Variants in KPNA2 observed in about 807,000 individuals in gnomAD.
The protein encoded by KPNA2 is importin subunit alpha-1.
A neutral mutation model predicts 53.7 loss-of-function variants in KPNA2; 20 were observed. The observed-to-expected ratio is 0.37, with a 90% CI of 0.26 to 0.54. The LOEUF is 0.54. Among genes scored for constraint, KPNA2 ranks in the 20% least tolerant of loss-of-function variants. The pLI is 0.83. For missense variants in KPNA2, 515 were observed against 640.3 expected (o/e 0.80, Z 2.11); for synonymous variants, 238 against 227.5 (o/e 1.05, Z -0.42).
At chr17:68,044,166 C>T in intron 8 of KPNA2, 95 bp downstream of exon 8, 1 of 1,290,760 alleles carries the variant, frequency 7.7e-7, no homozygotes, top group East Asian at 2.3e-5. Flanking sequence ...TTGGGTTCTA[C>T]TAGGAGTCCT....
At position 68,046,828 on chromosome 17, in the gene KPNA2, T is replaced by C; in HGVS notation, c.*232T>C. On this transcript the variant is annotated 3_prime_UTR_variant, in exon 11 of 11. Coordinates refer to ENST00000330459, the MANE Select transcript of KPNA2 (RefSeq NM_002266.4). ...TCTTGCAGCATCCTGTAAATAAACA[T>C]TCAAGTCCACCCTTTTCTTGACTTC... 2.9e-6 allele frequency: 1 copy of C among 348,864 alleles called. No individual in the cohort carries two copies. Among genetic ancestry groups the C allele is most frequent in the South Asian group, 5.6e-5 (1 of 17,892 alleles). The allele number at this position is 348,864 out of a possible 1,614,324, so 21.6% of individuals were successfully genotyped here.
At chr17:68,041,539 C>T (rs528334544) in intron 4 of KPNA2, among the ~76,000 whole-genome samples, 15 of 152,202 alleles carry the variant, frequency 9.9e-5, no homozygotes, top group African/African-American at 3.4e-4. Context: ...AGCATGGCGA[C>T]AGAGCAAGAC....
intron 3 of KPNA2, among the ~76,000 whole-genome samples, chr17:68,038,693 C>CCGTCTCA (rs1251303038): frequency 2.0e-5 from 3 of 151,982 alleles, no homozygotes; most frequent in African/African-American, 7.3e-5. Flanking sequence ...GAGTGAAACT[C>CCGTCTCA]CGTCTCAAGG....
chr17:68,043,001 T>TAAGTTACTAACATGAGTA lies in KPNA2; in HGVS notation c.666+11_666+28dup, dbSNP rs782473667. On this transcript the variant is annotated splice_region_variant and intron_variant, in intron 6 of 10. Coordinates refer to ENST00000330459, the MANE Select transcript of KPNA2 (RefSeq NM_002266.4). ...GTTCCTGATATGTCATCTTTAGCAG[T>TAAGTTACTAACATGAGTA]AAGTTACTAACATGAGTAAAGTTAC... 3 of 1,612,370 alleles carry TAAGTTACTAACATGAGTA rather than the reference T, an allele frequency of 1.9e-6. No individual in the cohort carries two copies. The East Asian group carries it at 6.7e-5, about 36-fold the overall frequency.
In KPNA2 at chr17:68,037,386, A is replaced by G. The variant is rs376171602; in HGVS notation, c.104A>G (p.Asn35Ser). The G allele has an allele frequency of 6.9e-5, 111 of 1,613,968 alleles. 1 individual carries two copies. Among genetic ancestry groups the G allele is most frequent in the Admixed American group, 2.0e-4 (12 of 59,978 alleles). ...ATGAGGCGTCGCAGAATAGAGGTCA[A>G]TGTGGAGCTGAGGAAAGCTAAGAAG... The part of the protein sequence containing the change: ...TEMRRRRIEV[N>S]VELRKAKKDD... Residue 35 changes from asparagine to serine, a missense_variant, in exon 3 of 11, where the codon AAT (asparagine) becomes AGT (serine). Asn to Ser is a conservative substitution (Grantham distance 46). Transcript: ENST00000330459.
Position 68,043,193 on chromosome 17 carries a change from C to T in KPNA2, c.760C>T (p.Pro254Ser). 2.5e-6 allele frequency: 4 copies of T among 1,614,116 alleles called. No individual in the cohort carries two copies. Among genetic ancestry groups the T allele is most frequent in the South Asian group, 1.1e-5 (1 of 91,090 alleles). Residue 254 changes from proline to serine, a missense_variant, in exon 7 of 11, where the codon CCT becomes TCT. Coordinates refer to ENST00000330459, the MANE Select transcript of KPNA2 (RefSeq NM_002266.4). ...PPIDAVEQIL[P>S]TLVRLLHHDD... is the part of the protein sequence containing the mutation. The stretch of plus-strand genomic sequence containing the variant: ...GATAGATGCTGTTGAGCAGATTCTT[C>T]CTACCTTAGTTCGGCTCCTGCATCA...
Position 68,042,105 on chromosome 17 carries a change from A to G in KPNA2, c.323A>G (p.Lys108Arg). 1 of 1,613,290 alleles carries G rather than the reference A, an allele frequency of 6.2e-7. No individual in the cohort carries two copies. Among genetic ancestry groups the G allele is most frequent in the Admixed American group, 1.7e-5 (1 of 60,008 alleles). The part of the protein sequence containing the change: ...QAARKLLSRE[K>R]QPPIDNIIRA... ...TTTAGGAAACTACTTTCCAGAGAAA[A>G]ACAGCCCCCCATAGACAACATAATC... The change falls in exon 5 of 11, where the codon AAA becomes AGA. Residue 108 changes from lysine (K) to arginine (R), a missense_variant. Lys to Arg is a conservative substitution (Grantham distance 26). Transcript: ENST00000330459.
At position 68,046,633 on chromosome 17, in the gene KPNA2, G is replaced by T; in HGVS notation, c.*37G>T. On this transcript the variant is annotated 3_prime_UTR_variant, in exon 11 of 11. Transcript: ENST00000330459. ...GAGACATAAATTTGTTGTGTACTAC[G>T]TTTGGTATTTTGTCTTATTGTTTCT... 1 of 1,299,320 alleles carries T rather than the reference G, an allele frequency of 7.7e-7. No individual in the cohort carries two copies. Among genetic ancestry groups the T allele is most frequent in the Non-Finnish European group, 1.1e-6 (1 of 904,266 alleles). 80.5% of individuals were successfully genotyped at this position (1,299,320 alleles called of 1,614,324 possible).
Position 68,044,635 on chromosome 17 carries a change from C to A in KPNA2, c.1347+132C>A, listed in dbSNP as rs141615881. ...AGAATCAGAAAGCCTGTTTATGTGGCCACCCCTTTGATTAAAAATGAGGCA... is the reference window on the plus strand; with the variant it reads ...AGAATCAGAAAGCCTGTTTATGTGGACACCCCTTTGATTAAAAATGAGGCA... On this transcript the variant is annotated intron_variant, in intron 9 of 10. Coordinates refer to ENST00000330459, the MANE Select transcript of KPNA2 (RefSeq NM_002266.4). The A allele has an allele frequency of 8.4e-6, 6 of 712,624 alleles. No individual in the cohort carries two copies. The African/African-American group carries it at 1.1e-4, about 13-fold the overall frequency. The allele number at this position is 712,624 out of a possible 1,614,324, so 44.1% of individuals were successfully genotyped here.
At chr17:68,036,315 A>G (rs1340967403) in intron 1 of KPNA2, 1 of 152,270 alleles carries the variant, frequency 6.6e-6, no homozygotes, top group Non-Finnish European at 1.5e-5. Context: ...GACTTTTGTC[A>G]TCTTCTGAAT....
In KPNA2 at chr17:68,043,981, A is replaced by G; in HGVS notation, c.1074A>G (p.Thr358=). 1.9e-6 allele frequency: 3 copies of G among 1,614,032 alleles called. No individual in the cohort carries two copies. Among genetic ancestry groups the G allele is most frequent in the Non-Finnish European group, 1.7e-6 (2 of 1,179,892 alleles). Residue 358 remains threonine (T), a synonymous_variant, in exon 8 of 11, where the codon ACA becomes ACG. Transcript: ENST00000330459. The stretch of plus-strand genomic sequence containing the variant: ...ACATTCAGAAGGAAGCTACGTGGAC[A>G]ATGTCAAACATCACAGCCGGCCGCC... ...KTNIQKEATW[T]MSNITAGRQD...
In KPNA2 at chr17:68,041,568, TAAATA is replaced by T. The variant is rs1421779974; in HGVS notation, c.303-510_303-506del. On this transcript the variant is annotated intron_variant, in intron 4 of 10. Transcript: ENST00000330459. ...GCAAGACTCTGTCTCAAAAAATAAATAAATAAAATAACTTGGGTGTGGCGGTGCAC... is the reference window on the plus strand; with the variant it reads ...GCAAGACTCTGTCTCAAAAAATAAATAAATAACTTGGGTGTGGCGGTGCAC... Among the ~76,000 whole-genome samples, 9 of 152,078 alleles carry T rather than the reference TAAATA, an allele frequency of 5.9e-5. No homozygotes were observed. The South Asian group carries it at 1.2e-3, about 21-fold the overall frequency.
intron 1 of KPNA2, chr17:68,036,541 C>G (rs1422803668): frequency 6.6e-6 from 1 of 152,324 alleles, no homozygotes; most frequent in Non-Finnish European, 1.5e-5. Context: ...ATTGCCCTGG[C>G]ACATAATTTT....
In KPNA2 at chr17:68,043,160, G is replaced by A; in HGVS notation, c.727G>A (p.Ala243Thr). 1 of 1,613,934 alleles carries A rather than the reference G, an allele frequency of 6.2e-7. No homozygotes were observed. Among genetic ancestry groups the A allele is most frequent in the Non-Finnish European group, 8.5e-7 (1 of 1,179,986 alleles). The change falls in exon 7 of 11, where the codon GCA (alanine) becomes ACA (threonine). Residue 243 changes from alanine to threonine, a missense_variant. By Grantham distance (58) the Ala-to-Thr change is moderately conservative. Coordinates refer to ENST00000330459, the MANE Select transcript of KPNA2 (RefSeq NM_002266.4). ...TAATCTTTGCCGCAACAAGAATCCT[G>A]CACCCCCGATAGATGCTGTTGAGCA... is the stretch of plus-strand genomic sequence containing the variant. The part of the protein sequence containing the change: ...LSNLCRNKNP[A>T]PPIDAVEQIL...
Position 68,044,045 on chromosome 17 carries a change from C to T in KPNA2, c.1138C>T (p.Pro380Ser), listed in dbSNP as rs782454277. 1.2e-6 allele frequency: 2 copies of T among 1,613,450 alleles called. No homozygotes were observed. The highest frequency in any genetic ancestry group is 3.3e-5 in the Admixed American group (2 of 60,002). ...GCAAGTTGTGAATCATGGATTAGTC[C>T]CATTCCTTGTCAGTGTTCTCTCTAA... Reference protein sequence around the residue: ...IQQVVNHGLVPFLVSVLSKAD... With the variant: ...IQQVVNHGLVSFLVSVLSKAD... The change falls in exon 8 of 11, where the codon CCA (proline) becomes TCA (serine). Residue 380 changes from proline to serine, a missense_variant. Coordinates refer to ENST00000330459, the MANE Select transcript of KPNA2 (RefSeq NM_002266.4).
chr17:68,042,739 G>A (rs1446647245), intron 5 of KPNA2, among the ~76,000 whole-genome samples, 166 bp from the exon 6 acceptor site: 3 of 151,888 alleles, frequency 2.0e-5, no homozygotes, highest in African/African-American at 4.8e-5. Flanking sequence ...AAAATTAGCC[G>A]GGCGTGGCGG....
chr17:68,043,882 T>C lies in KPNA2; in HGVS notation c.975T>C (p.Asp325=). ...RAIGNIVTGT[D]EQTQVVIDAG... is the part of the protein sequence containing the mutation. ...TAGGGAATATTGTCACTGGTACAGATGAACAGACTCAGGTTGTGATTGATG... is the reference window on the plus strand; with the variant it reads ...TAGGGAATATTGTCACTGGTACAGACGAACAGACTCAGGTTGTGATTGATG... Residue 325 remains aspartate (D), a synonymous_variant, in exon 8 of 11, where the codon GAT becomes GAC. Coordinates refer to ENST00000330459, the MANE Select transcript of KPNA2 (RefSeq NM_002266.4). 1.2e-6 allele frequency: 2 copies of C among 1,613,622 alleles called. No individual in the cohort carries two copies. The highest frequency in any genetic ancestry group is 1.7e-6 in the Non-Finnish European group (2 of 1,179,712).
intron 1 of KPNA2, 135 bp from the exon 2 acceptor site, chr17:68,036,975 C>G (rs2071197172): frequency 3.0e-6 from 2 of 669,796 alleles, no homozygotes; most frequent in Non-Finnish European, 2.6e-6. Context: ...TTCATAGTGC[C>G]GAAAACATGA....
In KPNA2 at chr17:68,046,497, T is replaced by C; in HGVS notation, c.1498-7T>C. ...ATTTTTATACTTATTTTTTAATATA[T>C]TTCCAGGAAGAGGAAGATCAAAACG... On this transcript the variant is annotated splice_polypyrimidine_tract_variant and splice_region_variant and intron_variant, in intron 10 of 10. Coordinates refer to ENST00000330459, the MANE Select transcript of KPNA2 (RefSeq NM_002266.4). The C allele has an allele frequency of 3.8e-6, 6 of 1,566,610 alleles. No individual in the cohort carries two copies. Among genetic ancestry groups the C allele is most frequent in the Non-Finnish European group, 5.3e-6 (6 of 1,142,810 alleles).
Sources: gnomAD v4.1 joint callset for allele counts (sites outside exome capture counted in the v4.1 genomes callset) on GRCh38, gnomAD v4.1.1 for gene constraint, MANE v1.5 for transcripts, NCBI Gene and HGNC (gene_info 2026-07-23, HGNC 2026-07-21) for gene names.